Variants in EPHA7 observed in about 807,000 individuals in gnomAD.
EPHA7 encodes the protein ephrin type-A receptor 7.
A neutral mutation model predicts 112.6 loss-of-function variants in EPHA7; 25 were observed. The ratio of observed to expected loss-of-function variants is 0.22; its 90% CI spans 0.16 to 0.31. EPHA7 has a LOEUF of 0.31. Among genes scored for constraint, EPHA7 ranks in the 10% least tolerant of loss-of-function variants. EPHA7 has a pLI of 1.00. For missense variants in EPHA7, 962 were observed against 1,212.6 expected (o/e 0.79, Z 3.07); for synonymous variants, 437 against 406.5 (o/e 1.07, Z -0.90).
chr6:93,412,977 G>C (rs1003089222), intron 2 of EPHA7, among the ~76,000 whole-genome samples: 3 of 151,722 alleles, frequency 2.0e-5, no homozygotes, highest in Non-Finnish European at 3.0e-5. Context: ...AATGCTTCAG[G>C]AAAACTATGA....
chr6:93,362,061 C>T (rs891248342), intron 3 of EPHA7, among the ~76,000 whole-genome samples: 2 of 151,746 alleles, frequency 1.3e-5, no homozygotes, highest in Non-Finnish European at 2.9e-5. Context: ...TACATGATAC[C>T]ATGAAGGCCT....
chr6:93,411,824 A>G (rs1778990034), intron 2 of EPHA7, among the ~76,000 whole-genome samples: 2 of 152,102 alleles, frequency 1.3e-5, no homozygotes, highest in African/African-American at 4.8e-5. Context: ...ATTCATTTTT[A>G]TAAATAAATT....
intron 5 of EPHA7, among the ~76,000 whole-genome samples, chr6:93,298,144 G>A (rs1433035236): frequency 1.3e-5 from 2 of 152,066 alleles, no homozygotes; most frequent in African/African-American, 4.8e-5. Context: ...ACAGGCTTTA[G>A]TCTCTACCTG....
At chr6:93,356,450 G>T (rs111598799) in intron 5 of EPHA7, among the ~76,000 whole-genome samples, 4,523 of 152,078 alleles carry the variant, frequency 0.03, 215 homozygotes, top group African/African-American at 0.1. Flanking sequence ...TGATCTGCCC[G>T]CCTCGGCCTC....
intron 3 of EPHA7, chr6:93,409,816 T>C (rs1424479435): frequency 6.6e-6 from 1 of 151,448 alleles, no homozygotes; most frequent in East Asian, 1.9e-4. Flanking sequence ...TCATACATGA[T>C]TGTTTCAAAA....
At chr6:93,279,438 C>T (rs1238132761) in intron 5 of EPHA7, among the ~76,000 whole-genome samples, 1 of 152,162 alleles carries the variant, frequency 6.6e-6, no homozygotes, top group East Asian at 1.9e-4. Flanking sequence ...AATGAAACTG[C>T]TGGCAAACTG....
At chr6:93,326,289 T>A (rs1774315798) in intron 5 of EPHA7, among the ~76,000 whole-genome samples, 1 of 151,314 alleles carries the variant, frequency 6.6e-6, no homozygotes, top group African/African-American at 2.4e-5. Flanking sequence ...CAATAAGTAT[T>A]CAACAAACAA....
In EPHA7 at chr6:93,276,885, A is replaced by G. The variant is rs138862613; in HGVS notation, c.1325-4463T>C. Among the ~76,000 whole-genome samples, 151 of 152,182 alleles carry G rather than the reference A, an allele frequency of 9.9e-4. No individual in the cohort carries two copies. In the Middle Eastern group the frequency reaches 0.01, roughly 10 times the overall value. On this transcript the variant is annotated intron_variant, in intron 5 of 16. Coordinates refer to ENST00000369303, the MANE Select transcript of EPHA7 (RefSeq NM_004440.4). ...TTCTACATTTACATGTTTCTAACTGAATTTAAACAAAGAATGGATGGAAAA... is the reference window on the plus strand; with the variant it reads ...TTCTACATTTACATGTTTCTAACTGGATTTAAACAAAGAATGGATGGAAAA...
Position 93,411,107 on chromosome 6 carries a change from C to A in EPHA7, c.226G>T (p.Val76Phe). Residue 76 changes from valine to phenylalanine, a missense_variant, in exon 3 of 17, where the codon GTC becomes TTC. Physicochemically the swap from Val to Phe is conservative, Grantham distance 50. This residue lies in a region of EPHA7 where 160 missense variants were observed against 263.6 expected (regional missense o/e 0.61). Coordinates refer to ENST00000369303, the MANE Select transcript of EPHA7 (RefSeq NM_004440.4). ...TPIRTYQVCQ[V>F]MEPNQNNWLR... ...CAGTTGTTTTGGTTGGGCTCCATGACTTGGCACACCTGGTATGTTCGTATC... is the reference window on the plus strand; with the variant it reads ...CAGTTGTTTTGGTTGGGCTCCATGAATTGGCACACCTGGTATGTTCGTATC... 1 of 1,613,730 alleles carries A rather than the reference C, an allele frequency of 6.2e-7. No individual in the cohort carries two copies. Among genetic ancestry groups the A allele is most frequent in the East Asian group, 2.2e-5 (1 of 44,868 alleles).
chr6:93,415,291 A>C (rs996765155), intron 1 of EPHA7, among the ~76,000 whole-genome samples: 1 of 152,040 alleles, frequency 6.6e-6, no homozygotes, highest in African/African-American at 2.4e-5. Flanking sequence ...AGAAATGTTA[A>C]AAACTGTTAA....
Position 93,410,657 on chromosome 6 carries a change from A to G in EPHA7, c.676T>C (p.Ser226Pro), listed in dbSNP as rs2127994529. The change falls in exon 3 of 17, where the codon TCT (serine) becomes CCT (proline). Residue 226 changes from serine (S) to proline (P), a missense_variant. Transcript: ENST00000369303. The surrounding 1 kb of genome is among the most constrained non-coding windows in gnomAD (Gnocchi z 4.0). ...PDTVTGSEFS[S>P]LVEVRGTCVS... ...CATGTCCCTCGAACCTCGACTAAAG[A>G]GGAAAATTCTGAACCAGTCACTGTA... The G allele has an allele frequency of 6.2e-7, 1 of 1,613,996 alleles. No individual in the cohort carries two copies. Among genetic ancestry groups the G allele is most frequent in the Non-Finnish European group, 8.5e-7 (1 of 1,179,940 alleles).
chr6:93,304,954 A>T (rs900328245), intron 5 of EPHA7, among the ~76,000 whole-genome samples: 8 of 151,986 alleles, frequency 5.3e-5, no homozygotes, highest in African/African-American at 1.9e-4. Context: ...AAAATTGTCA[A>T]TCAACCCCTG....
chr6:93,378,289 T>A (rs901615926), intron 3 of EPHA7, among the ~76,000 whole-genome samples: 1 of 151,970 alleles, frequency 6.6e-6, no homozygotes. Flanking sequence ...TTGTTTTTTC[T>A]AAGAGGAAAA....
At chr6:93,309,475 A>T (rs1773422495) in intron 5 of EPHA7, among the ~76,000 whole-genome samples, 1 of 152,160 alleles carries the variant, frequency 6.6e-6, no homozygotes, top group African/African-American at 2.4e-5. Context: ...AATCATAATT[A>T]AAAAGCTCAA....
Position 93,257,477 on chromosome 6 carries a change from T to C in EPHA7, c.2157A>G (p.Leu719=), listed in dbSNP as rs1770489847. 4 of 1,611,268 alleles carry C rather than the reference T, an allele frequency of 2.5e-6. No homozygotes were observed. The highest frequency in any genetic ancestry group is 2.5e-6 in the Non-Finnish European group (3 of 1,178,258). The change falls in exon 12 of 17, where the codon CTA becomes CTG. Residue 719 remains leucine, a synonymous_variant. Coordinates refer to ENST00000369303, the MANE Select transcript of EPHA7 (RefSeq NM_004440.4). ...IVIEFMENGA[L]DAFLRKHDGQ... Reference sequence around the variant, plus strand: ...TGGTACTTACCCTGAGAAATGCATCTAGGGCTCCATTTTCCATGAACTCTA... The same window carrying C: ...TGGTACTTACCCTGAGAAATGCATCCAGGGCTCCATTTTCCATGAACTCTA...
At chr6:93,320,678 T>C (rs1774025701) in intron 5 of EPHA7, among the ~76,000 whole-genome samples, 1 of 151,946 alleles carries the variant, frequency 6.6e-6, no homozygotes, top group Non-Finnish European at 1.5e-5. Flanking sequence ...TATTTCATAA[T>C]AAAGAAATTT....
intron 5 of EPHA7, among the ~76,000 whole-genome samples, chr6:93,346,198 A>G (rs1010263286): frequency 1.3e-5 from 2 of 151,750 alleles, no homozygotes; most frequent in Non-Finnish European, 2.9e-5. Context: ...CATCATTATT[A>G]CCAATTCATA....
At chr6:93,288,002 A>AAAAACT (rs1772158439) in intron 5 of EPHA7, among the ~76,000 whole-genome samples, 1 of 152,218 alleles carries the variant, frequency 6.6e-6, no homozygotes, top group South Asian at 2.1e-4. Flanking sequence ...AAAGTGGTGC[A>AAAAACT]GCCACTATGT....
At chr6:93,414,915 C>T (rs1779152098) in intron 1 of EPHA7, 148 bp from the exon 2 acceptor site, 1 of 618,260 alleles carries the variant, frequency 1.6e-6, no homozygotes, top group Middle Eastern at 4.1e-4. Flanking sequence ...AATGAACACC[C>T]TCCTGATACA....
Sources: allele counts gnomAD v4.1 joint callset (sites outside exome capture counted in the v4.1 genomes callset), GRCh38; gene constraint gnomAD v4.1.1; regional missense constraint gnomAD v4.1.1; non-coding constraint Gnocchi (gnomAD v3.1); transcripts MANE v1.5; gene names NCBI Gene and HGNC (gene_info 2026-07-23, HGNC 2026-07-21).